Variants in HMOX1 observed in about 807,000 individuals in gnomAD.
HMOX1 encodes heat shock protein, 32-kD.
HMOX1 carries 22 observed loss-of-function variants against 27.8 expected under a neutral mutation model. That is an observed-to-expected ratio of 0.79 (90% CI 0.57 to 1.13). HMOX1 has a LOEUF of 1.13. Among genes scored for constraint, HMOX1 ranks in the 50% most tolerant of loss-of-function variants. HMOX1 has a pLI of 0.00. For missense variants in HMOX1, 379 were observed against 377.7 expected, an observed-to-expected ratio of 1.00 and a Z score of -0.03; for synonymous variants, 153 against 151.6, an observed-to-expected ratio of 1.01 and a Z score of -0.07.
At chr22:35,392,388 C>A (rs1931744671) in intron 4 of HMOX1, among the ~76,000 whole-genome samples, 2 of 152,146 alleles carry the variant, frequency 1.3e-5, no homozygotes, top group South Asian at 4.1e-4. Context: ...GAGAACTGCA[C>A]CCCTAATGCA....
chr22:35,392,082 G>T (rs761246329), intron 4 of HMOX1, among the ~76,000 whole-genome samples: 20 of 151,544 alleles, frequency 1.3e-4, no homozygotes, highest in Non-Finnish European at 8.8e-5. Flanking sequence ...AAATTAGCTG[G>T]GTGTGATGGT....
intron 2 of HMOX1, among the ~76,000 whole-genome samples, chr22:35,386,003 T>A (rs1488019964): frequency 1.3e-5 from 2 of 151,946 alleles, no homozygotes; most frequent in Non-Finnish European, 2.9e-5. Flanking sequence ...TTGCCCAGGC[T>A]GGAGTGCAGT....
Position 35,393,551 on chromosome 22 carries a change from C to T in HMOX1, c.820C>T (p.Leu274Phe), listed in dbSNP as rs1601745778. Reference sequence around the variant, plus strand: ...TCCGCTTCTCCGATGGGTCCTTACACTCAGCTTTCTGGTGGCGACAGTTGC... The same window carrying T: ...TCCGCTTCTCCGATGGGTCCTTACATTCAGCTTTCTGGTGGCGACAGTTGC... ...QAPLLRWVLT[L>F]SFLVATVAVG... Residue 274 changes from leucine (L) to phenylalanine (F), a missense_variant, in exon 5 of 5, where the codon CTC (leucine) becomes TTC (phenylalanine). Coordinates refer to ENST00000216117, the MANE Select transcript of HMOX1 (RefSeq NM_002133.3). 2 of 1,614,248 alleles carry T rather than the reference C, an allele frequency of 1.2e-6. No individual in the cohort carries two copies. The highest frequency in any genetic ancestry group is 8.5e-7 in the Non-Finnish European group (1 of 1,180,044).
At chr22:35,381,239 C>T in intron 1 of HMOX1, 43 bp downstream of exon 1, 16 of 1,542,624 alleles carry the variant, frequency 1.0e-5, no homozygotes, top group Non-Finnish European at 1.3e-5. Context: ...CCTTTCTCTC[C>T]CAACCCTGCT....
At chr22:35,387,993 G>T (rs1931550499) in intron 3 of HMOX1, among the ~76,000 whole-genome samples, 1 of 152,238 alleles carries the variant, frequency 6.6e-6, no homozygotes, top group Admixed American at 6.5e-5. Flanking sequence ...GCCAGGTGCA[G>T]TGGCTCGCGC....
At chr22:35,389,400 CTTTCTTTCTTTCTTT>C (rs1569057653) in intron 3 of HMOX1, among the ~76,000 whole-genome samples, 6 of 64,566 alleles carry the variant, frequency 9.3e-5, no homozygotes, top group African/African-American at 7.3e-4. Context: ...TCCTTCCTTT[CTTTCTTTCTTTCTTT>C]CTTTCTTTCT....
chr22:35,389,489 C>T (rs1197785749), intron 3 of HMOX1, among the ~76,000 whole-genome samples: 1 of 149,022 alleles, frequency 6.7e-6, no homozygotes, highest in Non-Finnish European at 1.5e-5. Flanking sequence ...GTCACCCGGG[C>T]TGGAGTGCAA....
Position 35,386,777 on chromosome 22 carries a change from C to A in HMOX1, c.237C>A (p.Phe79Leu), listed in dbSNP as rs536618397. Residue 79 changes from phenylalanine to leucine, a missense_variant, in exon 3 of 5, where the codon TTC (phenylalanine) becomes TTA (leucine). Physicochemically the swap from Phe to Leu is conservative, Grantham distance 22. Coordinates refer to ENST00000216117, the MANE Select transcript of HMOX1 (RefSeq NM_002133.3). ...KESPVFAPVY[F>L]PEELHRKAAL... is the part of the protein sequence containing the mutation. ...GCCCAGTCTTCGCCCCTGTCTACTT[C>A]CCAGAAGAGCTGCACCGCAAGGCTG... 1 of 1,614,208 alleles carries A rather than the reference C, an allele frequency of 6.2e-7. No homozygotes were observed. Among genetic ancestry groups the A allele is most frequent in the South Asian group, 1.1e-5 (1 of 91,082 alleles).
intron 3 of HMOX1, 72 bp downstream of exon 3, chr22:35,387,248 G>C (rs1163827183): frequency 3.2e-6 from 5 of 1,579,024 alleles, no homozygotes; most frequent in Non-Finnish European, 4.3e-6. Flanking sequence ...TCTCATTGTA[G>C]GGGAGGGTGC....
Position 35,389,393 on chromosome 22 carries a change from TTC to T in HMOX1, c.637-470_637-469del, listed in dbSNP as rs1483722849. Among the ~76,000 whole-genome samples, 686 of 74,940 alleles carry T rather than the reference TTC, an allele frequency of 9.2e-3. 6 individuals carry two copies. Among genetic ancestry groups the T allele is most frequent in the Admixed American group, 0.017 (142 of 8,230 alleles). 49.2% of individuals were successfully genotyped at this position (74,940 alleles called of 152,430 possible). ...CTTCCTTCCTTCCTTCCTTCCTTCC[TTC>T]CTTTCTTTCTTTCTTTCTTTCTTTC... On this transcript the variant is annotated intron_variant, in intron 3 of 4. Transcript: ENST00000216117.
chr22:35,382,903 C>G (rs559953961), intron 1 of HMOX1, among the ~76,000 whole-genome samples: 1 of 152,282 alleles, frequency 6.6e-6, no homozygotes, highest in East Asian at 1.9e-4. Context: ...GGTGATCCAC[C>G]TGCCTTGGCC....
At position 35,386,869 on chromosome 22, in the gene HMOX1, C is replaced by T. The variant is rs763872699; in HGVS notation, c.329C>T (p.Ala110Val). 9 of 1,614,032 alleles carry T rather than the reference C, an allele frequency of 5.6e-6. No individual in the cohort carries two copies. The East Asian group carries it at 2.0e-4, about 36-fold the overall frequency. The change falls in exon 3 of 5, where the codon GCC becomes GTC. Residue 110 changes from alanine (A) to valine (V), a missense_variant. By Grantham distance (64) the Ala-to-Val change is moderately conservative. Coordinates refer to ENST00000216117, the MANE Select transcript of HMOX1 (RefSeq NM_002133.3). ...RWQEVIPYTPAMQRYVKRLHE... is the reference protein window; with the variant it reads ...RWQEVIPYTPVMQRYVKRLHE... ...CAGGAGGTCATCCCCTACACACCAG[C>T]CATGCAGCGCTATGTGAAGCGGCTC... is the stretch of plus-strand genomic sequence containing the variant.
At chr22:35,389,395 C>CTTCCTTCCTTTCTTTCTTT (rs1555901605) in intron 3 of HMOX1, among the ~76,000 whole-genome samples, 1 of 51,812 alleles carries the variant, frequency 1.9e-5, no homozygotes, top group Non-Finnish European at 3.4e-5. Context: ...TTCCTTCCTT[C>CTTCCTTCCTTTCTTTCTTT]CTTTCTTTCT....
At chr22:35,385,609 C>CTTTTTTT in intron 2 of HMOX1, among the ~76,000 whole-genome samples, 1 of 94,200 alleles carries the variant, frequency 1.1e-5, no homozygotes, top group Non-Finnish European at 2.0e-5. Flanking sequence ...CCATACCTGG[C>CTTTTTTT]TTTTTTTTTT....
intron 3 of HMOX1, among the ~76,000 whole-genome samples, chr22:35,389,289 C>CTTCT (rs200559798): frequency 0.27 from 27,026 of 101,822 alleles, 5,580 homozygotes; most frequent in East Asian, 0.4. Context: ...CTCTCTCTCT[C>CTTCT]TTCTTTCTTC....
chr22:35,382,267 A>G (rs1931401598), intron 1 of HMOX1, among the ~76,000 whole-genome samples: 1 of 152,078 alleles, frequency 6.6e-6, no homozygotes, highest in Non-Finnish European at 1.5e-5. Flanking sequence ...TGTTTTAATG[A>G]CTGAAGAGTG....
At chr22:35,387,722 G>A (rs1931544321) in intron 3 of HMOX1, among the ~76,000 whole-genome samples, 1 of 152,254 alleles carries the variant, frequency 6.6e-6, no homozygotes, top group African/African-American at 2.4e-5. Flanking sequence ...TTGGGCAGAG[G>A]TGGAGGGGTG....
chr22:35,389,292 CTTTCTTCTTTCTTTCTTTCTTTCTTTCT>C (rs1931611834), intron 3 of HMOX1, among the ~76,000 whole-genome samples: 2 of 113,782 alleles, frequency 1.8e-5, no homozygotes, highest in African/African-American at 9.8e-5. Context: ...TCTCTCTCTT[CTTTCTTCTTTCTTTCTTTCTTTCTTTCT>C]TCTTTCTTTC....
intron 4 of HMOX1, among the ~76,000 whole-genome samples, chr22:35,390,880 A>G (rs5755720): frequency 0.28 from 42,884 of 152,054 alleles, 6,483 homozygotes; most frequent in East Asian, 0.46. Flanking sequence ...AAGAACGATC[A>G]AGGCTGGCTG....
Sources: gnomAD v4.1 joint callset for allele counts (sites outside exome capture counted in the v4.1 genomes callset) on GRCh38, gnomAD v4.1.1 for gene constraint, MANE v1.5 for transcripts, NCBI Gene and HGNC (gene_info 2026-07-23, HGNC 2026-07-21) for gene names.